The following RNF152 variants were observed in gnomAD, a reference collection of about 807,000 sequenced individuals.
RNF152 encodes E3 ubiquitin-protein ligase RNF152.
RNF152 carries 11 observed loss-of-function variants against 12.7 expected under a neutral mutation model. The ratio of observed to expected loss-of-function variants is 0.86; its 90% CI spans 0.54 to 1.43. The LOEUF (loss-of-function observed/expected upper bound fraction) is 1.43. Among genes scored for constraint, RNF152 ranks in the 40% most tolerant of loss-of-function variants. The pLI, the probability that RNF152 is intolerant of heterozygous loss-of-function variation, is 0.00. For missense variants in RNF152, 255 were observed against 274.8 expected (o/e 0.93, Z 0.51); for synonymous variants, 113 against 120.3 (o/e 0.94, Z 0.40).
At chr18:61,834,274 G>A (rs981465817) in intron 1 of RNF152, among the ~76,000 whole-genome samples, 11 of 152,354 alleles carry the variant, frequency 7.2e-5, no homozygotes, top group Admixed American at 7.2e-4. Flanking sequence ...AGCATCCCAA[G>A]CTAAGAGAAA....
chr18:61,855,542 G>A (rs961929261), intron 1 of RNF152, among the ~76,000 whole-genome samples: 8 of 152,232 alleles, frequency 5.3e-5, no homozygotes, highest in African/African-American at 1.7e-4. Flanking sequence ...AGATGTGGAT[G>A]CCCGCAGTAG....
At chr18:61,824,536 T>C (rs76024585) in intron 1 of RNF152, among the ~76,000 whole-genome samples, 19,028 of 152,288 alleles carry the variant, frequency 0.12, 1,187 homozygotes, top group African/African-American at 0.14. Flanking sequence ...AATTTCTCCC[T>C]TGATGCCTTC....
At chr18:61,860,701 G>C (rs1309631388) in intron 1 of RNF152, among the ~76,000 whole-genome samples, 1 of 152,166 alleles carries the variant, frequency 6.6e-6, no homozygotes, top group Non-Finnish European at 1.5e-5. Context: ...TAAGTTAACT[G>C]TAAAATGCCC....
intron 1 of RNF152, among the ~76,000 whole-genome samples, chr18:61,824,893 G>A (rs1909586082): frequency 6.6e-6 from 1 of 152,168 alleles, no homozygotes; most frequent in South Asian, 2.1e-4. Flanking sequence ...AAGACTGTCA[G>A]GAGATCCCCA....
intron 1 of RNF152, among the ~76,000 whole-genome samples, chr18:61,873,582 A>G (rs2144741880): frequency 6.6e-6 from 1 of 152,140 alleles, no homozygotes; most frequent in Non-Finnish European, 1.5e-5. Context: ...TGATCCACCC[A>G]CCTCAGCTGC....
intron 1 of RNF152, among the ~76,000 whole-genome samples, chr18:61,861,402 C>T (rs1911475613): frequency 6.6e-6 from 1 of 152,162 alleles, no homozygotes; most frequent in Admixed American, 6.5e-5. Context: ...TACAGGTTTG[C>T]AGCCTTGGAG....
chr18:61,813,470 T>C lies in RNF152; in HGVS notation c.*2382A>G, dbSNP rs1379757125. 1.3e-5 allele frequency: 2 copies of C among 152,226 alleles called. No individual in the cohort carries two copies. The highest frequency in any genetic ancestry group is 4.8e-5 in the African/African-American group (2 of 41,448). 9.4% of individuals were successfully genotyped at this position (152,226 alleles called of 1,614,324 possible). On this transcript the variant is annotated 3_prime_UTR_variant, in exon 2 of 2. Transcript: ENST00000312828. The stretch of plus-strand genomic sequence containing the variant: ...TAAATTTAAGGTCAAGAATCTACCA[T>C]ACAGCCGATTAATTTTGCACTGCTT...
chr18:61,887,368 G>A (rs978800665), intron 1 of RNF152, among the ~76,000 whole-genome samples: 4 of 151,680 alleles, frequency 2.6e-5, no homozygotes, highest in Admixed American at 1.3e-4. Flanking sequence ...ACTAAGATGC[G>A]GCAGTGGCAA....
At chr18:61,870,312 G>A (rs1210974489) in intron 1 of RNF152, among the ~76,000 whole-genome samples, 3 of 152,106 alleles carry the variant, frequency 2.0e-5, no homozygotes, top group Non-Finnish European at 4.4e-5. Context: ...CTCTGAGGGT[G>A]GGATTGATTA....
At chr18:61,830,138 C>G (rs747591039) in intron 1 of RNF152, among the ~76,000 whole-genome samples, 10 of 151,896 alleles carry the variant, frequency 6.6e-5, no homozygotes, top group Admixed American at 2.6e-4. Flanking sequence ...TCTCCTGCCT[C>G]AGACTCCCGG....
At chr18:61,822,331 AG>A (rs1279248756) in intron 1 of RNF152, among the ~76,000 whole-genome samples, 5 of 152,170 alleles carry the variant, frequency 3.3e-5, no homozygotes, top group African/African-American at 1.2e-4. Flanking sequence ...GATAAACAAA[AG>A]GGGTCTTTGT....
At chr18:61,826,226 G>A (rs527297698) in intron 1 of RNF152, among the ~76,000 whole-genome samples, 4 of 152,284 alleles carry the variant, frequency 2.6e-5, no homozygotes, top group African/African-American at 7.2e-5. Flanking sequence ...CTGACCAAAA[G>A]CAGAAACTTC....
At chr18:61,858,819 A>C (rs988612842) in intron 1 of RNF152, among the ~76,000 whole-genome samples, 11 of 152,328 alleles carry the variant, frequency 7.2e-5, no homozygotes, top group Admixed American at 5.9e-4. Flanking sequence ...ATCATGATGC[A>C]GCAAATTTCA....
intron 1 of RNF152, among the ~76,000 whole-genome samples, chr18:61,821,481 G>A (rs893679350): frequency 7.9e-5 from 12 of 152,132 alleles, no homozygotes; most frequent in African/African-American, 2.9e-4. Context: ...AGCTAATGAT[G>A]GATCATTCTT....
chr18:61,818,956 A>G (rs554994350), intron 1 of RNF152, among the ~76,000 whole-genome samples: 45 of 152,332 alleles, frequency 3.0e-4, no homozygotes, highest in African/African-American at 1.1e-3. Flanking sequence ...AGCCGAAGGA[A>G]TCAGGGGGAA....
At position 61,833,601 on chromosome 18, in the gene RNF152, A is replaced by G. The variant is rs1337533324; in HGVS notation, c.-135-17003T>C. On this transcript the variant is annotated intron_variant, in intron 1 of 1. Coordinates refer to ENST00000312828, the MANE Select transcript of RNF152 (RefSeq NM_173557.3). ...CTGAGGAAGTGATTCTAGGGCTAAC[A>G]TAACTGAACACGAGGGCCGTCTGTT... Among the ~76,000 whole-genome samples the G allele has an allele frequency of 2.0e-5, 3 of 152,314 alleles. No individual in the cohort carries two copies. In the East Asian group the frequency reaches 5.8e-4, roughly 29 times the overall value.
intron 1 of RNF152, among the ~76,000 whole-genome samples, chr18:61,839,310 T>C (rs1435543338): frequency 6.6e-6 from 1 of 152,228 alleles, no homozygotes; most frequent in African/African-American, 2.4e-5. Context: ...TCCTTTAGTC[T>C]TCCTCAATCT....
chr18:61,839,201 G>A (rs1268901408), intron 1 of RNF152, among the ~76,000 whole-genome samples: 2 of 152,074 alleles, frequency 1.3e-5, no homozygotes, highest in Non-Finnish European at 2.9e-5. Flanking sequence ...AATCTACTTT[G>A]GTACACTACC....
At chr18:61,875,731 A>G (rs1344994337) in intron 1 of RNF152, among the ~76,000 whole-genome samples, 1 of 152,102 alleles carries the variant, frequency 6.6e-6, no homozygotes, top group Admixed American at 6.5e-5. Context: ...CACTCATTCA[A>G]TTAATCTCCA....
Sources: gnomAD v4.1 joint callset for allele counts (sites outside exome capture counted in the v4.1 genomes callset) on GRCh38, gnomAD v4.1.1 for gene constraint, MANE v1.5 for transcripts, NCBI Gene and HGNC (gene_info 2026-07-23, HGNC 2026-07-21) for gene names.